The following RAD21L1 variants were observed in gnomAD, a reference collection of about 807,000 sequenced individuals.
RAD21L1 encodes RAD21 cohesin complex component like 1.
A neutral mutation model predicts 69.0 loss-of-function variants in RAD21L1; 47 were observed. The observed-to-expected ratio is 0.68, with a 90% CI of 0.54 to 0.87. RAD21L1 has a LOEUF of 0.87. Ranked by LOEUF, RAD21L1 falls within the 40% of genes least tolerant of loss-of-function variation. The pLI is 0.00. For missense variants in RAD21L1, 583 were observed against 647.6 expected (o/e 0.90, Z 1.08); for synonymous variants, 177 against 205.8 (o/e 0.86, Z 1.20).
Position 1,254,348 on chromosome 20 carries a change from A to C in RAD21L1, c.1559A>C (p.Lys520Thr). The change falls in exon 14 of 14, where the codon AAA becomes ACA. Residue 520 changes from lysine (K) to threonine (T), a missense_variant. Transcript: ENST00000683101. The stretch of plus-strand genomic sequence containing the variant: ...AGTGACCGAAAACAAGCAGCTGCCA[A>C]ATTTTATAGCTTTCTTGTCCTAAAG... Reference protein sequence around the residue: ...RNSDRKQAAAKFYSFLVLKKQ... With the variant: ...RNSDRKQAAATFYSFLVLKKQ... The C allele has an allele frequency of 6.4e-7, 1 of 1,551,310 alleles. No homozygotes were observed.
chr20:1,229,784 T>C, intron 2 of RAD21L1, 96 bp from the exon 3 acceptor site: 1 of 952,330 alleles, frequency 1.1e-6, no homozygotes, highest in Middle Eastern at 3.2e-4. Context: ...ATCTGCTTTT[T>C]TAAGAGAACC....
intron 7 of RAD21L1, 96 bp downstream of exon 7, chr20:1,239,503 A>G (rs2087564604): frequency 1.5e-6 from 1 of 658,748 alleles, no homozygotes; most frequent in Non-Finnish European, 2.6e-6. Context: ...ATAGTGAAAG[A>G]TAAAGAACAA....
rs2087390721 is a variant in RAD21L1, at chr20:1,231,520, T to G, written c.275-6T>G. The G allele has an allele frequency of 6.8e-7, 1 of 1,461,986 alleles. No individual in the cohort carries two copies. 90.6% of individuals were successfully genotyped at this position (1,461,986 alleles called of 1,614,324 possible). On this transcript the variant is annotated splice_polypyrimidine_tract_variant and splice_region_variant and intron_variant, in intron 3 of 13. Coordinates refer to ENST00000683101, the MANE Select transcript of RAD21L1 (RefSeq NM_001384355.1). The stretch of plus-strand genomic sequence containing the variant: ...CTTATTGAGTATGGTTTTTGATCCT[T>G]TTCAGGACTGGTTGACCTTCCAAAA...
intron 5 of RAD21L1, among the ~76,000 whole-genome samples, chr20:1,236,640 C>T (rs1005392336): frequency 9.9e-5 from 15 of 152,172 alleles, no homozygotes; most frequent in African/African-American, 3.4e-4. Flanking sequence ...CCTCTTTGAG[C>T]CTTACTGTCC....
At chr20:1,227,802 A>G (rs963701288) in intron 1 of RAD21L1, among the ~76,000 whole-genome samples, 7 of 152,084 alleles carry the variant, frequency 4.6e-5, no homozygotes, top group African/African-American at 1.7e-4. Flanking sequence ...CTTGCCTTCT[A>G]ATTATTTTCT....
At position 1,242,842 on chromosome 20, in the gene RAD21L1, A is replaced by G; in HGVS notation, c.1080A>G (p.Lys360=). ...AGGATTTGATTCATGCTGAACTGAA[A>G]ATGGTAACGGTTCCTACCCTTCTAC... ...AAQDLIHAEL[K]MLFTKCFLSS... is the part of the protein sequence containing the mutation. The change falls in exon 9 of 14, where the codon AAA becomes AAG. Residue 360 remains lysine (K), a synonymous_variant. Transcript: ENST00000683101. 2 of 1,548,082 alleles carry G rather than the reference A, an allele frequency of 1.3e-6. No homozygotes were observed. Among genetic ancestry groups the G allele is most frequent in the Non-Finnish European group, 1.7e-6 (2 of 1,143,704 alleles).
intron 4 of RAD21L1, 115 bp downstream of exon 4, chr20:1,231,734 T>C: frequency 3.3e-6 from 2 of 604,878 alleles, no homozygotes; most frequent in East Asian, 5.8e-5. Flanking sequence ...ACAGATGTAA[T>C]TGATAAAGAC....
At chr20:1,243,599 C>T (rs1040897947) in intron 10 of RAD21L1, among the ~76,000 whole-genome samples, 5 of 152,112 alleles carry the variant, frequency 3.3e-5, no homozygotes, top group East Asian at 1.9e-4. Flanking sequence ...CTTAACCTGA[C>T]GCAGATATTT....
At position 1,244,136 on chromosome 20, in the gene RAD21L1, C is replaced by T; in HGVS notation, c.1274C>T (p.Ser425Phe). 3 of 1,547,092 alleles carry T rather than the reference C, an allele frequency of 1.9e-6. No homozygotes were observed. In the South Asian group the frequency reaches 3.6e-5, roughly 19 times the overall value. ...GTGATTGGTGGATCTCAGCATAGCT[C>T]TCATGAGGATACCAATAAAAATATT... is the stretch of plus-strand genomic sequence containing the variant. The part of the protein sequence containing the change: ...KDVIGGSQHS[S>F]HEDTNKNINS... Residue 425 changes from serine to phenylalanine, a missense_variant, in exon 11 of 14, where the codon TCT becomes TTT. Transcript: ENST00000683101.
Position 1,242,804 on chromosome 20 carries a change from T to G in RAD21L1, c.1042T>G (p.Ser348Ala). The change falls in exon 9 of 14, where the codon TCA (serine) becomes GCA (alanine). Residue 348 changes from serine to alanine, a missense_variant. Coordinates refer to ENST00000683101, the MANE Select transcript of RAD21L1 (RefSeq NM_001384355.1). ...GAGGGGAGGAGTGCATACACTTCTG[T>G]CAACTGCTGCCCAGGATTTGATTCA... ...KKRGGVHTLL[S>A]TAAQDLIHAE... The G allele has an allele frequency of 6.4e-7, 1 of 1,551,586 alleles. No homozygotes were observed. The highest frequency in any genetic ancestry group is 8.7e-7 in the Non-Finnish European group (1 of 1,146,910).
At position 1,228,573 on chromosome 20, in the gene RAD21L1, C is replaced by G. The variant is rs2087313919; in HGVS notation, c.120C>G (p.Thr40=). 1.3e-6 allele frequency: 2 copies of G among 1,542,436 alleles called. No individual in the cohort carries two copies. The highest frequency in any genetic ancestry group is 1.7e-6 in the Non-Finnish European group (2 of 1,143,422). The change falls in exon 2 of 14, where the codon ACC becomes ACG. Residue 40 remains threonine, a synonymous_variant. Transcript: ENST00000683101. ...AHVFECNLEI[T]IEKILSPKVK... is the part of the protein sequence containing the mutation. ...TATTTGAATGTAATCTAGAGATAAC[C>G]ATTGAAAAAATTCTTTCACCCAAGG...
At chr20:1,235,954 G>A (rs1324920962) in intron 5 of RAD21L1, among the ~76,000 whole-genome samples, 25 of 152,098 alleles carry the variant, frequency 1.6e-4, no homozygotes, top group Non-Finnish European at 2.2e-4. Context: ...TTTTAGTAGA[G>A]ATGGAGTTTC....
intron 13 of RAD21L1, among the ~76,000 whole-genome samples, chr20:1,252,817 A>G (rs2087862028): frequency 6.6e-6 from 1 of 152,272 alleles, no homozygotes; most frequent in South Asian, 2.1e-4. Flanking sequence ...CCCCCCTGCC[A>G]GCACTTAGGG....
chr20:1,235,411 T>C (rs1486418718), intron 5 of RAD21L1, among the ~76,000 whole-genome samples: 2 of 152,144 alleles, frequency 1.3e-5, no homozygotes, highest in African/African-American at 4.8e-5. Flanking sequence ...TATTTGTCCA[T>C]TTTCAATCTG....
chr20:1,241,190 C>T (rs761677800), intron 8 of RAD21L1, among the ~76,000 whole-genome samples: 6 of 151,972 alleles, frequency 3.9e-5, no homozygotes, highest in South Asian at 2.1e-4. Context: ...GTAGTGGGCA[C>T]GGGAATAAAG....
At chr20:1,253,596 C>T (rs1046191250) in intron 13 of RAD21L1, among the ~76,000 whole-genome samples, 8 of 152,244 alleles carry the variant, frequency 5.3e-5, no homozygotes, top group African/African-American at 1.4e-4. Flanking sequence ...CACGCCTGGC[C>T]GCACTGCAGT....
At chr20:1,241,510 T>C (rs2087606528) in intron 8 of RAD21L1, among the ~76,000 whole-genome samples, 1 of 152,234 alleles carries the variant, frequency 6.6e-6, no homozygotes, top group African/African-American at 2.4e-5. Context: ...AAAGCATTTT[T>C]TTTTTAACTG....
chr20:1,226,767 G>T (rs898169380), intron 1 of RAD21L1, among the ~76,000 whole-genome samples: 2 of 152,224 alleles, frequency 1.3e-5, no homozygotes, highest in Non-Finnish European at 2.9e-5. Context: ...GGTGCGGGGG[G>T]AGTTTGTGTG....
In RAD21L1 at chr20:1,244,238, C is replaced by T. The variant is rs929714135; in HGVS notation, c.1308+68C>T. The T allele has an allele frequency of 1.2e-5, 13 of 1,087,766 alleles. No individual in the cohort carries two copies. The African/African-American group carries it at 1.8e-4, about 15-fold the overall frequency. 67.4% of individuals were successfully genotyped at this position (1,087,766 alleles called of 1,614,324 possible). The stretch of plus-strand genomic sequence containing the variant: ...CAGATACAGTAAAGGAATGTTGGGA[C>T]TCTGGTATATTTTCTTACATTTGTG... On this transcript the variant is annotated intron_variant, in intron 11 of 13. Transcript: ENST00000683101.
Sources: allele counts gnomAD v4.1 joint callset (sites outside exome capture counted in the v4.1 genomes callset), GRCh38; gene constraint gnomAD v4.1.1; transcripts MANE v1.5; gene names NCBI Gene and HGNC (gene_info 2026-07-23, HGNC 2026-07-21).